Variants in INSL6 observed in about 807,000 individuals in gnomAD.
The protein encoded by INSL6 is insulin like 6.
A neutral mutation model predicts 9.4 loss-of-function variants in INSL6; 16 were observed. The ratio of observed to expected loss-of-function variants is 1.70; its 90% CI spans 1.15 to 2.59. The LOEUF (loss-of-function observed/expected upper bound fraction) is 2.59, where lower values mean the gene tolerates loss of function less well. Ranked by LOEUF, INSL6 falls within the 30% of genes most tolerant of loss-of-function variation. The pLI is 0.00. For missense variants in INSL6, 391 were observed against 257.3 expected, an observed-to-expected ratio of 1.52 and a Z score of -3.56; for synonymous variants, 154 against 96.9, an observed-to-expected ratio of 1.59 and a Z score of -3.46.
chr9:5,056,304 TTA>T, the INSL6 span, among the ~76,000 whole-genome samples: 1 of 152,078 alleles, frequency 6.6e-6, no homozygotes, highest in African/African-American at 2.4e-5. Flanking sequence ...GAAATCTAAT[TTA>T]TTTTAATGTA....
chr9:5,111,794 GC>G, the INSL6 span: 6 of 422,652 alleles, frequency 1.4e-5, no homozygotes, highest in South Asian at 3.5e-5. Flanking sequence ...CTTCTCCTTG[GC>G]CCCCGGAGCC....
the INSL6 span, among the ~76,000 whole-genome samples, chr9:5,073,412 T>G: frequency 6.6e-6 from 1 of 152,176 alleles, no homozygotes; most frequent in Admixed American, 6.5e-5. Flanking sequence ...GTCCTCTATT[T>G]CAGGTGTTAT....
the INSL6 span, chr9:5,073,576 C>T: frequency 1.4e-6 from 1 of 740,576 alleles, no homozygotes; most frequent in Non-Finnish European, 2.3e-6. Flanking sequence ...CACATTGTAT[C>T]CTCATCTATA....
At chr9:5,115,069 G>C in the INSL6 span, among the ~76,000 whole-genome samples, 1 of 152,150 alleles carries the variant, frequency 6.6e-6, no homozygotes, top group Admixed American at 6.5e-5. Flanking sequence ...ATAGACAGAT[G>C]GGATCTAATT....
At chr9:5,049,443 C>A in the INSL6 span, among the ~76,000 whole-genome samples, 98 of 152,276 alleles carry the variant, frequency 6.4e-4, 1 homozygote, top group East Asian at 0.015. Flanking sequence ...TATTTCTTTA[C>A]CCTGTTTTGT....
the INSL6 span, among the ~76,000 whole-genome samples, chr9:5,089,436 G>T: frequency 6.6e-6 from 1 of 151,678 alleles, no homozygotes; most frequent in African/African-American, 2.4e-5. Context: ...TACTGGGGAG[G>T]CTGAGGCAGG....
chr9:4,994,369 A>T, the INSL6 span, among the ~76,000 whole-genome samples: 14 of 152,312 alleles, frequency 9.2e-5, no homozygotes, highest in Admixed American at 5.9e-4. Context: ...TAAAGGACTT[A>T]TTGAAACACA....
chr9:5,146,611 G>T (rs769188262), intron 2 of INSL6, among the ~76,000 whole-genome samples: 8 of 152,214 alleles, frequency 5.3e-5, no homozygotes, highest in Non-Finnish European at 1.0e-4. Flanking sequence ...GCACTGGTGG[G>T]GGTGAGGCTT....
chr9:4,994,450 G>T, the INSL6 span, among the ~76,000 whole-genome samples: 2 of 152,210 alleles, frequency 1.3e-5, no homozygotes, highest in Admixed American at 6.5e-5. Context: ...ATTTGCATCT[G>T]TGAGTTCCCA....
At chr9:5,111,101 A>G in the INSL6 span, 1 of 1,224,420 alleles carries the variant, frequency 8.2e-7, no homozygotes, top group Non-Finnish European at 1.1e-6. Flanking sequence ...AGCGGCGACC[A>G]GAACAGCTCC....
At chr9:5,105,227 C>T in the INSL6 span, among the ~76,000 whole-genome samples, 1 of 152,192 alleles carries the variant, frequency 6.6e-6, no homozygotes, top group Non-Finnish European at 1.5e-5. Context: ...GATACAAAAT[C>T]AATGTGCAAA....
the INSL6 span, among the ~76,000 whole-genome samples, chr9:5,010,914 A>G: frequency 6.6e-6 from 1 of 152,148 alleles, no homozygotes; most frequent in Non-Finnish European, 1.5e-5. Context: ...AGGATTGTAG[A>G]ATTCTGGGTT....
chr9:5,014,372 A>G, the INSL6 span, among the ~76,000 whole-genome samples: 13,509 of 152,104 alleles, frequency 0.089, 1,758 homozygotes, highest in African/African-American at 0.29. Context: ...TACAGCTTTT[A>G]TATACTCTTC....
At chr9:5,172,752 A>G (rs1319724147) in intron 1 of INSL6, among the ~76,000 whole-genome samples, 2 of 152,114 alleles carry the variant, frequency 1.3e-5, no homozygotes, top group Non-Finnish European at 2.9e-5. Flanking sequence ...ATGTAGTGAA[A>G]CCCTGCCTCT....
At chr9:5,088,050 T>C in the INSL6 span, among the ~76,000 whole-genome samples, 1 of 152,222 alleles carries the variant, frequency 6.6e-6, no homozygotes, top group Non-Finnish European at 1.5e-5. Context: ...TACTTTTGTT[T>C]TCTAAAATGT....
chr9:5,162,720 T>C (rs1156995522), downstream of INSL6, among the ~76,000 whole-genome samples: 1 of 152,194 alleles, frequency 6.6e-6, no homozygotes, highest in Non-Finnish European at 1.5e-5. Flanking sequence ...CATTCAAAAA[T>C]ATTTATTAAT....
At chr9:5,040,681 T>A in the INSL6 span, among the ~76,000 whole-genome samples, 1 of 152,236 alleles carries the variant, frequency 6.6e-6, no homozygotes, top group Non-Finnish European at 1.5e-5. Context: ...CCAAATAAGA[T>A]ATACAAATGG....
the INSL6 span, chr9:5,073,856 T>C: frequency 2.0e-6 from 2 of 1,013,446 alleles, no homozygotes; most frequent in Non-Finnish European, 3.0e-6. Context: ...AAAATTCAGT[T>C]TCAGGATCAC....
the INSL6 span, among the ~76,000 whole-genome samples, chr9:4,994,387 G>T: frequency 0.21 from 31,182 of 151,976 alleles, 3,676 homozygotes; most frequent in Middle Eastern, 0.34. Flanking sequence ...ACAAATTGCC[G>T]CTGGGCCCCA....
Sources: gnomAD v4.1 joint callset for allele counts (sites outside exome capture counted in the v4.1 genomes callset) on GRCh38, gnomAD v4.1.1 for gene constraint, MANE v1.5 for transcripts, NCBI Gene and HGNC (gene_info 2026-07-23, HGNC 2026-07-21) for gene names.